The following RIN2 variants were observed in gnomAD, a reference collection of about 807,000 sequenced individuals.
RIN2 encodes the protein Ras and Rab interactor 2.
RIN2 carries 36 observed loss-of-function variants against 78.0 expected under a neutral mutation model. The observed-to-expected ratio is 0.46, with a 90% CI of 0.35 to 0.61. RIN2 has a LOEUF of 0.61. Ranked by LOEUF, RIN2 falls within the 20% of genes least tolerant of loss-of-function variation. The probability of loss-of-function intolerance (pLI) is 0.00; values close to 1 mark genes in which losing one functional copy is unlikely to be tolerated. For synonymous variants in RIN2, 466 were observed against 466.8 expected (o/e 1.00, Z 0.02); for missense variants, 1,087 against 1,159.7 (o/e 0.94, Z 0.91).
intron 1 of RIN2, among the ~76,000 whole-genome samples, chr20:19,766,978 C>G (rs1194188550): frequency 6.6e-6 from 1 of 150,774 alleles, no homozygotes; most frequent in Non-Finnish European, 1.5e-5. Context: ...AGGGAAGGAA[C>G]GTGGAGTTTG....
intron 1 of RIN2, among the ~76,000 whole-genome samples, chr20:19,787,165 G>A (rs1242883983): frequency 1.3e-5 from 2 of 152,068 alleles, no homozygotes; most frequent in Non-Finnish European, 2.9e-5. Context: ...GCTCATACCT[G>A]TAATCCCAGC....
At chr20:19,947,965 G>T (rs899327106) in intron 4 of RIN2, among the ~76,000 whole-genome samples, 1 of 152,244 alleles carries the variant, frequency 6.6e-6, no homozygotes, top group Non-Finnish European at 1.5e-5. Context: ...TAGGGCCAGG[G>T]TTTGGGGAAC....
chr20:19,960,075 T>C (rs910622024), intron 5 of RIN2, among the ~76,000 whole-genome samples: 5 of 152,208 alleles, frequency 3.3e-5, no homozygotes, highest in Admixed American at 2.6e-4. Context: ...TCAGAGTGCA[T>C]CCACCCACCA....
chr20:19,942,669 T>A (rs1170606904), intron 4 of RIN2, among the ~76,000 whole-genome samples: 1 of 152,256 alleles, frequency 6.6e-6, no homozygotes, highest in East Asian at 1.9e-4. Flanking sequence ...TGGTAGATCA[T>A]GCATGATTTT....
chr20:19,768,481 G>GA (rs933726347), intron 1 of RIN2, among the ~76,000 whole-genome samples: 1 of 152,190 alleles, frequency 6.6e-6, no homozygotes, highest in Non-Finnish European at 1.5e-5. Context: ...CGGGCAAAGC[G>GA]AGTCCCATAG....
chr20:19,812,746 G>C (rs1474544260), intron 2 of RIN2, among the ~76,000 whole-genome samples: 1 of 152,150 alleles, frequency 6.6e-6, no homozygotes, highest in Non-Finnish European at 1.5e-5. Context: ...AGAATCAAAA[G>C]GAAGAGCAAG....
Position 19,975,213 on chromosome 20 carries a change from A to C in RIN2, c.1188A>C (p.Pro396=). ...PELELGTAGS[P]GGAPPEAAPG... is the part of the protein sequence containing the mutation. ...TGGAGCTGGGCACAGCTGGCAGCCC[A>C]GGTGGGGCCCCGCCTGAGGCCGCCC... The change falls in exon 9 of 13, where the codon CCA becomes CCC. Residue 396 remains proline, a synonymous_variant. Coordinates refer to ENST00000255006, the MANE Select transcript of RIN2 (RefSeq NM_018993.4). The surrounding 1 kb of genome is among the most constrained non-coding windows in gnomAD (Gnocchi z 4.9). 6.3e-7 allele frequency: 1 copy of C among 1,594,270 alleles called. No individual in the cohort carries two copies. The highest frequency in any genetic ancestry group is 1.1e-5 in the South Asian group (1 of 89,418).
In RIN2 at chr20:19,996,744, G is replaced by A; in HGVS notation, c.2266G>A (p.Ala756Thr). The change falls in exon 12 of 13, where the codon GCA becomes ACA. Residue 756 changes from alanine to threonine, a missense_variant. Physicochemically the swap from Ala to Thr is moderately conservative, Grantham distance 58 (BLOSUM62 0). Around this residue, in one of 8 missense-constraint regions of RIN2, gnomAD observed 160 missense variants for 179.4 expected, o/e 0.89. Transcript: ENST00000255006. ...SLIKNFQEEQ[A>T]ARLLSSETRD... ...GATAAAGAATTTCCAAGAAGAACAA[G>A]CAGCGCGACTGCTCAGCTCAGAAAC... 2 of 1,613,834 alleles carry A rather than the reference G, an allele frequency of 1.2e-6. No homozygotes were observed. Among genetic ancestry groups the A allele is most frequent in the Non-Finnish European group, 8.5e-7 (1 of 1,179,858 alleles).
At chr20:19,922,899 C>A (rs2039984156) in intron 3 of RIN2, among the ~76,000 whole-genome samples, 1 of 152,192 alleles carries the variant, frequency 6.6e-6, no homozygotes, top group Admixed American at 6.5e-5. Flanking sequence ...AGTCACTCAG[C>A]CCTCCCCCCA....
upstream of RIN2, chr20:19,757,757 A>T (rs2033429686): frequency 6.6e-6 from 1 of 152,294 alleles, no homozygotes; most frequent in Non-Finnish European, 1.5e-5. Context: ...CGTTTGTGCT[A>T]AAACAAGAAA....
In RIN2 at chr20:19,994,082, C is replaced by T. The variant is rs566306053; in HGVS notation, c.2200+1783C>T. ...GTGTTGATGACTAATGGACAGGTGG[C>T]TGTCTTCTCCTCCACGAATCCCACA... On this transcript the variant is annotated intron_variant, in intron 11 of 12. Transcript: ENST00000255006. 1.2e-3 allele frequency among the ~76,000 whole-genome samples: 178 copies of T among 152,332 alleles called. 1 individual carries two copies. Among genetic ancestry groups the T allele is most frequent in the Non-Finnish European group, 2.3e-3 (159 of 68,032 alleles).
chr20:19,882,477 T>A (rs2038053217), intron 2 of RIN2, among the ~76,000 whole-genome samples: 1 of 152,120 alleles, frequency 6.6e-6, no homozygotes, highest in South Asian at 2.1e-4. Flanking sequence ...TGAAAAATAA[T>A]CACCTACATA....
intron 2 of RIN2, among the ~76,000 whole-genome samples, chr20:19,869,827 T>TTGATTGATTGATTG (rs1568558764): frequency 6.7e-5 from 10 of 150,296 alleles, no homozygotes; most frequent in African/African-American, 2.5e-4. Flanking sequence ...TTTATTTATT[T>TTGATTGATTGATTG]ATTTATTGTA....
chr20:19,864,029 C>CT (rs986045948), intron 2 of RIN2, among the ~76,000 whole-genome samples: 4 of 147,306 alleles, frequency 2.7e-5, no homozygotes, highest in Admixed American at 6.7e-5. Flanking sequence ...AAAAAAAAAA[C>CT]TTTTTTTTTA....
At chr20:19,823,407 T>TTG in intron 2 of RIN2, 1 of 685,564 alleles carries the variant, frequency 1.5e-6, no homozygotes, top group Non-Finnish European at 2.6e-6. Context: ...TTTTCTTTTT[T>TTG]TGTCAAATGA....
At chr20:19,971,695 G>A (rs1257523487) in intron 8 of RIN2, among the ~76,000 whole-genome samples, 3 of 151,236 alleles carry the variant, frequency 2.0e-5, no homozygotes, top group Non-Finnish European at 4.4e-5. Context: ...TCAGCGAGGA[G>A]CCTGGGCATA....
At chr20:19,886,126 A>G (rs2038179611) in intron 2 of RIN2, among the ~76,000 whole-genome samples, 1 of 152,224 alleles carries the variant, frequency 6.6e-6, no homozygotes. Flanking sequence ...GGAAAATGCC[A>G]GTGACTCAAC....
At chr20:19,918,382 TGTGTGTG>T in intron 3 of RIN2, among the ~76,000 whole-genome samples, 1 of 150,960 alleles carries the variant, frequency 6.6e-6, no homozygotes, top group Non-Finnish European at 1.5e-5. Context: ...TGTGTGTGTG[TGTGTGTG>T]TGTGTCAAAG....
intron 6 of RIN2, 40 bp downstream of exon 6, chr20:19,960,851 C>A: frequency 7.9e-7 from 1 of 1,270,564 alleles, no homozygotes; most frequent in Non-Finnish European, 1.1e-6. Context: ...ACTGACAGGG[C>A]CACGGGGCTC....
Sources: allele counts gnomAD v4.1 joint callset (sites outside exome capture counted in the v4.1 genomes callset), GRCh38; gene constraint gnomAD v4.1.1; regional missense constraint gnomAD v4.1.1; non-coding constraint Gnocchi (gnomAD v3.1); transcripts MANE v1.5; gene names NCBI Gene and HGNC (gene_info 2026-07-23, HGNC 2026-07-21).